MCOLN2: variants seen among roughly 807,000 people sequenced by gnomAD.
MCOLN2 encodes mucolipin TRP cation channel 2, also known as mucolipin-2.
In MCOLN2, 57 loss-of-function variants were observed where a neutral mutation model predicts 67.5. The ratio of observed to expected loss-of-function variants is 0.84; its 90% CI spans 0.68 to 1.05. The LOEUF is 1.05. Ranked by LOEUF, MCOLN2 falls within the 50% of genes least tolerant of loss-of-function variation. The pLI, the probability that MCOLN2 is intolerant of heterozygous loss-of-function variation, is 0.00. For synonymous variants in MCOLN2, 246 were observed against 233.3 expected (o/e 1.05, Z -0.50); for missense variants, 620 against 678.8 (o/e 0.91, Z 0.96).
chr1:84,937,523 A>C, intron 11 of MCOLN2: 1 of 1,128,456 alleles, frequency 8.9e-7, no homozygotes, highest in East Asian at 3.3e-5. Flanking sequence ...AGCCAGTCCC[A>C]GACAACTATA....
At chr1:84,931,627 T>C in intron 11 of MCOLN2, 59 bp from the exon 12 acceptor site, 1 of 1,379,240 alleles carries the variant, frequency 7.3e-7, no homozygotes, top group Non-Finnish European at 1.0e-6. Flanking sequence ...GCAGAGGATA[T>C]CTAGTTAGCT....
intron 2 of MCOLN2, among the ~76,000 whole-genome samples, chr1:84,962,300 C>T (rs896296463): frequency 1.3e-5 from 2 of 152,184 alleles, no homozygotes; most frequent in South Asian, 4.1e-4. Context: ...AATCCCAGCC[C>T]TTTGGGAGGC....
chr1:84,991,504 A>G (rs1050800086), intron 1 of MCOLN2, among the ~76,000 whole-genome samples: 1 of 152,140 alleles, frequency 6.6e-6, no homozygotes, highest in African/African-American at 2.4e-5. Flanking sequence ...AGTGAAGTTG[A>G]GGGGAAAAAA....
At chr1:84,995,361 A>G (rs1403626862) in intron 1 of MCOLN2, among the ~76,000 whole-genome samples, 7 of 152,230 alleles carry the variant, frequency 4.6e-5, no homozygotes, top group African/African-American at 1.7e-4. Flanking sequence ...CAGTATCTAC[A>G]AAGTGCAATA....
At chr1:84,966,160 G>A (rs1389031843) in intron 1 of MCOLN2, among the ~76,000 whole-genome samples, 1 of 152,096 alleles carries the variant, frequency 6.6e-6, no homozygotes. Context: ...GCTGAGGCAG[G>A]AGAATTGCTT....
chr1:84,983,531 G>A (rs114943632), intron 1 of MCOLN2, among the ~76,000 whole-genome samples: 3,215 of 152,156 alleles, frequency 0.021, 52 homozygotes, highest in Middle Eastern at 0.034. Context: ...GCCTCCCAAA[G>A]TGCTAGGATT....
chr1:84,952,264 G>C lies in MCOLN2; in HGVS notation c.726C>G (p.Asp242Glu). ...TTGCCGTATTCTGAAAGACATAACA[G>C]TCTGGTAACTCACGGGAATGAATTG... is the stretch of plus-strand genomic sequence containing the variant. ...LQTIHSRELP[D>E]CYVFQNTIIF... Residue 242 changes from aspartate to glutamate, a missense_variant, in exon 6 of 14, where the codon GAC becomes GAG. By Grantham distance (45) the Asp-to-Glu change is conservative. Coordinates refer to ENST00000370608, the MANE Select transcript of MCOLN2 (RefSeq NM_153259.4). 2 of 1,612,316 alleles carry C rather than the reference G, an allele frequency of 1.2e-6. No individual in the cohort carries two copies. The highest frequency in any genetic ancestry group is 1.7e-6 in the Non-Finnish European group (2 of 1,179,000).
At chr1:84,984,456 A>T (rs1358790454) in intron 1 of MCOLN2, among the ~76,000 whole-genome samples, 1 of 152,174 alleles carries the variant, frequency 6.6e-6, no homozygotes, top group East Asian at 1.9e-4. Context: ...TTTCAAGGCC[A>T]TAACTTTGGG....
chr1:84,948,994 G>A (rs572992414), intron 6 of MCOLN2, among the ~76,000 whole-genome samples: 1 of 152,300 alleles, frequency 6.6e-6, no homozygotes, highest in South Asian at 2.1e-4. Context: ...GCTGGGTGCG[G>A]TGGCAGGTGC....
intron 13 of MCOLN2, among the ~76,000 whole-genome samples, chr1:84,927,011 G>A (rs2102793399): frequency 6.6e-6 from 1 of 151,910 alleles, no homozygotes; most frequent in Non-Finnish European, 1.5e-5. Context: ...ATGCCCCCAG[G>A]GAGGGGAACA....
chr1:84,967,523 A>T (rs1470878063), intron 1 of MCOLN2, among the ~76,000 whole-genome samples: 1 of 152,200 alleles, frequency 6.6e-6, no homozygotes, highest in Non-Finnish European at 1.5e-5. Context: ...GACGAATCTA[A>T]AAGAATCCTA....
intron 1 of MCOLN2, among the ~76,000 whole-genome samples, chr1:84,970,296 G>C (rs11584776): frequency 1.4e-5 from 2 of 145,632 alleles, no homozygotes; most frequent in Non-Finnish European, 3.0e-5. Context: ...CACAGCCTCT[G>C]GGTGAGAAAC....
At chr1:84,959,562 C>T (rs1157656308) in intron 2 of MCOLN2, among the ~76,000 whole-genome samples, 1 of 152,172 alleles carries the variant, frequency 6.6e-6, no homozygotes, top group African/African-American at 2.4e-5. Flanking sequence ...CGCACTCTCA[C>T]ACGCACATTC....
rs1286484301 is a variant in MCOLN2 at position 84,931,364 on chromosome 1, T to C, written c.1540A>G (p.Lys514Glu). ...AGCAAATTTTGATAATTACTTACCT[T>C]AATGGTGTCATAAGAATCTGTAATA... Reference protein sequence around the residue: ...ALITDSYDTIKKFQQNGFPET... With the variant: ...ALITDSYDTIEKFQQNGFPET... The change falls in exon 12 of 14, where the codon AAG (lysine) becomes GAG (glutamate). Residue 514 changes from lysine (K) to glutamate (E), a missense_variant and splice_region_variant. Coordinates refer to ENST00000370608, the MANE Select transcript of MCOLN2 (RefSeq NM_153259.4). 3 of 1,528,408 alleles carry C rather than the reference T, an allele frequency of 2.0e-6. No individual in the cohort carries two copies. The highest frequency in any genetic ancestry group is 2.7e-6 in the Non-Finnish European group (3 of 1,103,616). 94.7% of individuals were successfully genotyped at this position (1,528,408 alleles called of 1,614,324 possible).
chr1:84,931,571 G>A lies in MCOLN2; in HGVS notation c.1336-3C>T, dbSNP rs138738077. 1.1e-4 allele frequency: 183 copies of A among 1,609,898 alleles called. No homozygotes were observed. In the African/African-American group the frequency reaches 1.9e-3, roughly 16 times the overall value. ...GCAACTGTGTTCAGATTTTCAAACT[G>A]TAGGGGGAAATAAAAACTAGTTTCT... On this transcript the variant is annotated splice_polypyrimidine_tract_variant and splice_region_variant and intron_variant, in intron 11 of 13. Coordinates refer to ENST00000370608, the MANE Select transcript of MCOLN2 (RefSeq NM_153259.4).
intron 11 of MCOLN2, among the ~76,000 whole-genome samples, chr1:84,935,995 T>C (rs1483132690): frequency 6.6e-6 from 1 of 152,214 alleles, no homozygotes; most frequent in East Asian, 1.9e-4. Flanking sequence ...AGAAAAGCTC[T>C]ACAGGGTATG....
Position 84,991,880 on chromosome 1 carries a change from G to T in MCOLN2, c.77+4916C>A, listed in dbSNP as rs564993187. ...GGAAACTCCATTTCTCAGCAATAAA[G>T]GATTCCACATGCAGTTAAAACTGAG... On this transcript the variant is annotated intron_variant, in intron 1 of 13. Transcript: ENST00000370608. 2.0e-3 allele frequency among the ~76,000 whole-genome samples: 310 copies of T among 152,238 alleles called. 1 individual carries two copies. The highest frequency in any genetic ancestry group is 6.8e-3 in the Middle Eastern group (2 of 294).
At chr1:84,962,099 C>T (rs7536513) in intron 2 of MCOLN2, among the ~76,000 whole-genome samples, 1,702 of 152,282 alleles carry the variant, frequency 0.011, 33 homozygotes, top group African/African-American at 0.039. Context: ...ATCAAGAAAT[C>T]TGCTCCAATT....
chr1:84,953,959 C>T (rs1314647201), intron 4 of MCOLN2, among the ~76,000 whole-genome samples: 1 of 152,196 alleles, frequency 6.6e-6, no homozygotes, highest in Non-Finnish European at 1.5e-5. Flanking sequence ...TGTGCAGTGC[C>T]TGGCACCTAG....
Sources: allele counts gnomAD v4.1 joint callset (sites outside exome capture counted in the v4.1 genomes callset), GRCh38; gene constraint gnomAD v4.1.1; transcripts MANE v1.5; gene names NCBI Gene and HGNC (gene_info 2026-07-23, HGNC 2026-07-21).